Variants in MAN1A1 observed in about 807,000 individuals in gnomAD.
MAN1A1 encodes mannosyl-oligosaccharide 1,2-alpha-mannosidase IA.
Under a neutral mutation model 70.8 loss-of-function variants are expected in MAN1A1, and 29 were observed. The ratio of observed to expected loss-of-function variants is 0.41; its 90% CI spans 0.31 to 0.56. The LOEUF is 0.56. MAN1A1 is among the 20% of genes least tolerant of loss of function. MAN1A1 has a pLI of 0.29. For synonymous variants in MAN1A1, 349 were observed against 330.1 expected, an observed-to-expected ratio of 1.06 and a Z score of -0.62; for missense variants, 747 against 841.3, an observed-to-expected ratio of 0.89 and a Z score of 1.39.
chr6:119,264,004 AGTG>A (rs1450923808), intron 5 of MAN1A1, among the ~76,000 whole-genome samples: 1 of 152,236 alleles, frequency 6.6e-6, no homozygotes. Flanking sequence ...TTTCCTAAAG[AGTG>A]GTGACAGCCA....
chr6:119,266,888 T>C (rs1240868065), intron 5 of MAN1A1, among the ~76,000 whole-genome samples: 1 of 152,062 alleles, frequency 6.6e-6, no homozygotes, highest in Non-Finnish European at 1.5e-5. Context: ...TTCAAAATAA[T>C]GAGAAAGCAA....
intron 6 of MAN1A1, among the ~76,000 whole-genome samples, chr6:119,238,259 A>C (rs1395029589): frequency 6.6e-6 from 1 of 152,232 alleles, no homozygotes; most frequent in African/African-American, 2.4e-5. Context: ...TAGAGATGAG[A>C]GAACACATAA....
intron 2 of MAN1A1, among the ~76,000 whole-genome samples, chr6:119,347,411 A>G (rs1228589449): frequency 1.3e-5 from 2 of 152,240 alleles, no homozygotes; most frequent in East Asian, 1.9e-4. Context: ...TGGCAAAAAT[A>G]TTACTTCCAT....
intron 6 of MAN1A1, among the ~76,000 whole-genome samples, chr6:119,225,833 A>C (rs1036146776): frequency 6.6e-6 from 1 of 152,246 alleles, no homozygotes; most frequent in African/African-American, 2.4e-5. Flanking sequence ...CAAAAGTGAA[A>C]GGGAAGTATT....
chr6:119,254,490 G>A (rs1391734446), intron 5 of MAN1A1, among the ~76,000 whole-genome samples: 3 of 152,204 alleles, frequency 2.0e-5, no homozygotes, highest in Admixed American at 6.5e-5. Context: ...ATCATCTTTT[G>A]AAGATAGGAA....
upstream of MAN1A1, chr6:119,349,808 C>G: frequency 1.0e-6 from 1 of 960,364 alleles, no homozygotes; most frequent in Non-Finnish European, 1.2e-6. Flanking sequence ...GGAGGCGACG[C>G]GGCCGGAGAG....
intron 5 of MAN1A1, among the ~76,000 whole-genome samples, chr6:119,265,857 T>C (rs1031925580): frequency 1.3e-5 from 2 of 152,164 alleles, no homozygotes; most frequent in African/African-American, 4.8e-5. Flanking sequence ...GATGACATAT[T>C]TTCTATGCAG....
intron 6 of MAN1A1, among the ~76,000 whole-genome samples, chr6:119,243,626 T>C (rs893048433): frequency 2.0e-5 from 3 of 152,102 alleles, no homozygotes; most frequent in Non-Finnish European, 4.4e-5. Context: ...CTTTCACTAT[T>C]AGAAGACAGG....
intron 5 of MAN1A1, among the ~76,000 whole-genome samples, chr6:119,275,654 C>T (rs903612742): frequency 6.6e-6 from 1 of 151,240 alleles, no homozygotes; most frequent in Non-Finnish European, 1.5e-5. Context: ...GTTGGCCAGG[C>T]TCGTCTCAAA....
chr6:119,327,097 A>G (rs879791080), intron 2 of MAN1A1, among the ~76,000 whole-genome samples: 1 of 152,134 alleles, frequency 6.6e-6, no homozygotes, highest in African/African-American at 2.4e-5. Flanking sequence ...GTTACTTAAG[A>G]ACAATTAAGT....
At chr6:119,246,300 A>C (rs1775165192) in intron 6 of MAN1A1, among the ~76,000 whole-genome samples, 1 of 152,176 alleles carries the variant, frequency 6.6e-6, no homozygotes, top group Non-Finnish European at 1.5e-5. Context: ...GGCTGGAGTG[A>C]TCATCTGCTC....
chr6:119,213,431 A>G (rs1774105502), intron 6 of MAN1A1, among the ~76,000 whole-genome samples: 1 of 152,236 alleles, frequency 6.6e-6, no homozygotes, highest in Non-Finnish European at 1.5e-5. Flanking sequence ...AAGACAAAAG[A>G]ATAAAAAGGA....
intron 2 of MAN1A1, among the ~76,000 whole-genome samples, chr6:119,311,375 C>T (rs1378273134): frequency 6.6e-6 from 1 of 152,042 alleles, no homozygotes; most frequent in Admixed American, 6.6e-5. Context: ...TAAAAATATA[C>T]ACAACTATTT....
At chr6:119,264,153 G>T (rs1775686238) in intron 5 of MAN1A1, among the ~76,000 whole-genome samples, 1 of 152,196 alleles carries the variant, frequency 6.6e-6, no homozygotes, top group African/African-American at 2.4e-5. Flanking sequence ...TCAGCATTAT[G>T]GAGAAACTAA....
intron 5 of MAN1A1, among the ~76,000 whole-genome samples, chr6:119,289,154 T>C (rs1344793320): frequency 6.6e-6 from 1 of 151,852 alleles, no homozygotes; most frequent in East Asian, 1.9e-4. Context: ...AAACGTATCC[T>C]AATCAAACAT....
intron 4 of MAN1A1, among the ~76,000 whole-genome samples, chr6:119,300,588 A>G (rs564447343): frequency 6.6e-6 from 1 of 152,220 alleles, no homozygotes; most frequent in East Asian, 1.9e-4. Flanking sequence ...AGCCTCCAAA[A>G]TGAAACCGTT....
At chr6:119,297,987 A>AGAT (rs1772269156) in intron 4 of MAN1A1, among the ~76,000 whole-genome samples, 3 of 151,760 alleles carry the variant, frequency 2.0e-5, no homozygotes, top group South Asian at 2.1e-4. Flanking sequence ...TTCCCTCCTG[A>AGAT]GATAGCCTGG....
intron 6 of MAN1A1, among the ~76,000 whole-genome samples, chr6:119,228,910 C>T (rs1246604490): frequency 2.6e-5 from 4 of 152,058 alleles, no homozygotes; most frequent in East Asian, 3.9e-4. Flanking sequence ...GGCCTCCCAG[C>T]GTTCAATTCT....
intron 4 of MAN1A1, among the ~76,000 whole-genome samples, chr6:119,297,605 A>G (rs1220965504): frequency 6.6e-6 from 1 of 152,080 alleles, no homozygotes; most frequent in Non-Finnish European, 1.5e-5. Context: ...CCACCTATTC[A>G]TCTATAAATA....
Sources: gnomAD v4.1 joint callset for allele counts (sites outside exome capture counted in the v4.1 genomes callset) on GRCh38, gnomAD v4.1.1 for gene constraint, MANE v1.5 for transcripts, NCBI Gene and HGNC (gene_info 2026-07-23, HGNC 2026-07-21) for gene names.